Variants in MRAS observed in about 807,000 individuals in gnomAD.
The protein encoded by MRAS is ras-related protein M-Ras.
MRAS carries 4 observed loss-of-function variants against 20.9 expected under a neutral mutation model. The ratio of observed to expected loss-of-function variants is 0.19; its 90% CI spans 0.09 to 0.44. The LOEUF (loss-of-function observed/expected upper bound fraction) is 0.44, where lower values mean the gene tolerates loss of function less well. Ranked by LOEUF, MRAS falls within the 20% of genes least tolerant of loss-of-function variation. The pLI is 0.99. For missense variants in MRAS, 154 were observed against 277.5 expected, an observed-to-expected ratio of 0.56 and a Z score of 3.16; for synonymous variants, 98 against 102.9, an observed-to-expected ratio of 0.95 and a Z score of 0.29.
intron 2 of MRAS, among the ~76,000 whole-genome samples, chr3:138,378,612 C>G (rs1222500924): frequency 6.6e-6 from 1 of 152,224 alleles, no homozygotes; most frequent in Non-Finnish European, 1.5e-5. Flanking sequence ...ACCACCTCAC[C>G]TTGGCTTTCA....
intron 1 of MRAS, among the ~76,000 whole-genome samples, chr3:138,351,001 C>T (rs9855766): frequency 2.4e-3 from 361 of 151,464 alleles, no homozygotes; most frequent in Admixed American, 6.2e-3. Flanking sequence ...GGTTTGGTTC[C>T]TAAGCTCTAG....
At chr3:138,363,466 C>T (rs1363144425) in intron 1 of MRAS, among the ~76,000 whole-genome samples, 1 of 152,136 alleles carries the variant, frequency 6.6e-6, no homozygotes, top group Non-Finnish European at 1.5e-5. Flanking sequence ...GGTGAGATGC[C>T]TCCCACTCCT....
At chr3:138,383,904 G>T (rs114673147) in intron 2 of MRAS, among the ~76,000 whole-genome samples, 2 of 152,274 alleles carry the variant, frequency 1.3e-5, no homozygotes, top group Non-Finnish European at 2.9e-5. Context: ...AAGTGGTTAC[G>T]GTCTTGTGTT....
intron 5 of MRAS, 85 bp from the exon 6 acceptor site, chr3:138,402,085 C>T (rs1050579024): frequency 1.9e-5 from 25 of 1,333,850 alleles, no homozygotes; most frequent in Non-Finnish European, 2.4e-5. Flanking sequence ...TCCTCTGACT[C>T]AGATCTGGGG....
chr3:138,397,513 G>A (rs2055265177), intron 3 of MRAS, 36 bp downstream of exon 3: 1 of 1,610,894 alleles, frequency 6.2e-7, no homozygotes, highest in African/African-American at 1.3e-5. Context: ...ACCGGGAAGA[G>A]GCCTGCGCCT....
intron 1 of MRAS, among the ~76,000 whole-genome samples, chr3:138,354,353 C>T (rs1307042075): frequency 3.9e-5 from 6 of 152,208 alleles, no homozygotes; most frequent in Admixed American, 3.9e-4. Flanking sequence ...CACAGTAGGG[C>T]TGGACTTAAA....
intron 2 of MRAS, among the ~76,000 whole-genome samples, chr3:138,377,458 A>T (rs1002647198): frequency 6.6e-6 from 1 of 152,232 alleles, no homozygotes; most frequent in Non-Finnish European, 1.5e-5. Flanking sequence ...TACAAAAAAA[A>T]TTAGCCAGGC....
intron 2 of MRAS, among the ~76,000 whole-genome samples, chr3:138,373,582 C>T (rs751601958): frequency 2.6e-5 from 4 of 152,192 alleles, no homozygotes; most frequent in Non-Finnish European, 4.4e-5. Context: ...AAATGCACAT[C>T]CTCAGGCCCA....
intron 1 of MRAS, among the ~76,000 whole-genome samples, chr3:138,372,280 A>G (rs2054690492): frequency 6.6e-6 from 1 of 152,162 alleles, no homozygotes; most frequent in Non-Finnish European, 1.5e-5. Context: ...CCTCCTCCCC[A>G]AATAAAATGA....
chr3:138,393,592 A>G (rs1024530483), intron 2 of MRAS, among the ~76,000 whole-genome samples: 1 of 152,094 alleles, frequency 6.6e-6, no homozygotes, highest in African/African-American at 2.4e-5. Flanking sequence ...GAATGATCAT[A>G]TTTTAAAATA....
intron 1 of MRAS, among the ~76,000 whole-genome samples, chr3:138,362,342 G>A (rs1364643252): frequency 6.6e-6 from 1 of 152,092 alleles, no homozygotes; most frequent in Non-Finnish European, 1.5e-5. Flanking sequence ...CTGTGCCCTT[G>A]GTAGAATGCC....
intron 2 of MRAS, among the ~76,000 whole-genome samples, chr3:138,386,033 A>G (rs2055005756): frequency 6.6e-6 from 1 of 152,172 alleles, no homozygotes; most frequent in African/African-American, 2.4e-5. Flanking sequence ...TGTGTTTTAC[A>G]GGGAGGGAGG....
chr3:138,386,674 G>T (rs1483409842), intron 2 of MRAS, among the ~76,000 whole-genome samples: 1 of 152,084 alleles, frequency 6.6e-6, no homozygotes, highest in African/African-American at 2.4e-5. Context: ...AGTAGCGAGG[G>T]GGTTTCACCA....
chr3:138,363,164 G>A (rs2054486248), intron 1 of MRAS, among the ~76,000 whole-genome samples: 1 of 152,054 alleles, frequency 6.6e-6, no homozygotes, highest in Non-Finnish European at 1.5e-5. Flanking sequence ...CCCAGTTCAA[G>A]TGATTCTCCT....
At chr3:138,387,194 A>T (rs1162718390) in intron 2 of MRAS, among the ~76,000 whole-genome samples, 1 of 152,176 alleles carries the variant, frequency 6.6e-6, no homozygotes, top group Non-Finnish European at 1.5e-5. Flanking sequence ...AAGGCCCTGG[A>T]AGTTGATGCT....
At chr3:138,358,427 C>T (rs928122461) in intron 1 of MRAS, among the ~76,000 whole-genome samples, 1 of 152,196 alleles carries the variant, frequency 6.6e-6, no homozygotes, top group South Asian at 2.1e-4. Flanking sequence ...ACAGTAAGAA[C>T]CAGCAGAAGT....
chr3:138,403,674 CTG>C lies in MRAS; in HGVS notation c.*1406_*1407del, dbSNP rs1409516565. The C allele has an allele frequency of 1.3e-5, 2 of 152,666 alleles. No homozygotes were observed. The highest frequency in any genetic ancestry group is 2.4e-5 in the African/African-American group (1 of 41,444). The allele number at this position is 152,666 out of a possible 1,614,324, so 9.5% of individuals were successfully genotyped here. A position where few individuals can be genotyped will look rare whatever the true frequency, so the allele number is the denominator to read the frequency against. On this transcript the variant is annotated 3_prime_UTR_variant, in exon 6 of 6. Transcript: ENST00000423968. ...AGGTGCTGCTGGTGTGAGCCAAAGA[CTG>C]GAGTTTTTCCAGCTGGGGTGGGAGT...
At chr3:138,360,618 A>G (rs1038680888) in intron 1 of MRAS, among the ~76,000 whole-genome samples, 4 of 152,102 alleles carry the variant, frequency 2.6e-5, no homozygotes, top group Non-Finnish European at 5.9e-5. Context: ...CTCACATGGT[A>G]TGTCCTTCGT....
intron 1 of MRAS, among the ~76,000 whole-genome samples, 175 bp from the exon 2 acceptor site, chr3:138,372,691 G>A (rs1285723503): frequency 6.6e-6 from 1 of 152,150 alleles, no homozygotes; most frequent in African/African-American, 2.4e-5. Flanking sequence ...CTTTAACAGT[G>A]GACTGTCTCT....
Sources: gnomAD v4.1 joint callset for allele counts (sites outside exome capture counted in the v4.1 genomes callset) on GRCh38, gnomAD v4.1.1 for gene constraint, MANE v1.5 for transcripts, NCBI Gene and HGNC (gene_info 2026-07-23, HGNC 2026-07-21) for gene names.